SLCO5A1: variants seen among roughly 807,000 people sequenced by gnomAD.
SLCO5A1 encodes organic anion transporter polypeptide-related protein 4.
In SLCO5A1, 39 loss-of-function variants were observed where a neutral mutation model predicts 65.1. The observed-to-expected ratio is 0.60, with a 90% CI of 0.46 to 0.78. The LOEUF (loss-of-function observed/expected upper bound fraction) is 0.78, where lower values mean the gene tolerates loss of function less well. Among genes scored for constraint, SLCO5A1 ranks in the 30% least tolerant of loss-of-function variants. The pLI is 0.00. For missense variants in SLCO5A1, 1,029 were observed against 1,069.4 expected (o/e 0.96, Z 0.53); for synonymous variants, 438 against 415.7 (o/e 1.05, Z -0.65).
At chr8:69,834,128 A>ACACACACACACACACACC in intron 1 of SLCO5A1, 1 of 144,804 alleles carries the variant, frequency 6.9e-6, no homozygotes, top group Non-Finnish European at 1.5e-5. Flanking sequence ...ACACACACAC[A>ACACACACACACACACACC]CCGGCGTACT....
At chr8:69,776,286 T>C (rs938436098) in intron 2 of SLCO5A1, among the ~76,000 whole-genome samples, 1 of 152,226 alleles carries the variant, frequency 6.6e-6, no homozygotes, top group Non-Finnish European at 1.5e-5. Flanking sequence ...AATGTGGCTA[T>C]TAATTTTAAT....
At chr8:69,681,593 C>CA (rs754657537) in intron 7 of SLCO5A1, among the ~76,000 whole-genome samples, 1 of 151,630 alleles carries the variant, frequency 6.6e-6, no homozygotes, top group African/African-American at 2.4e-5. Flanking sequence ...AACTCCATCT[C>CA]AAAAAAAAGA....
intron 3 of SLCO5A1, among the ~76,000 whole-genome samples, chr8:69,756,199 G>A (rs1817535879): frequency 6.6e-6 from 1 of 152,198 alleles, no homozygotes; most frequent in South Asian, 2.1e-4. Flanking sequence ...TGAAACAGGA[G>A]TTTGAGACCA....
chr8:69,699,455 G>A (rs2130805366), intron 6 of SLCO5A1, among the ~76,000 whole-genome samples: 1 of 152,284 alleles, frequency 6.6e-6, no homozygotes, highest in East Asian at 1.9e-4. Flanking sequence ...GCACCTCAGA[G>A]GTAAGCCCTT....
intron 8 of SLCO5A1, among the ~76,000 whole-genome samples, chr8:69,676,886 ACTATCT>A (rs1813568921): frequency 6.6e-6 from 1 of 152,188 alleles, no homozygotes. Flanking sequence ...AGAAACTCTG[ACTATCT>A]CTAATTGTTT....
intron 2 of SLCO5A1, among the ~76,000 whole-genome samples, chr8:69,801,867 C>A (rs1245598004): frequency 6.6e-6 from 1 of 152,180 alleles, no homozygotes; most frequent in Non-Finnish European, 1.5e-5. Flanking sequence ...AGGCCAGGTC[C>A]CACATTCACA....
At chr8:69,802,431 C>G (rs560134577) in intron 2 of SLCO5A1, among the ~76,000 whole-genome samples, 1 of 151,538 alleles carries the variant, frequency 6.6e-6, no homozygotes, top group Non-Finnish European at 1.5e-5. Context: ...GCTTGAACCC[C>G]GGAAGTCAAG....
chr8:69,790,595 G>A (rs892814951), intron 2 of SLCO5A1, among the ~76,000 whole-genome samples: 1 of 152,006 alleles, frequency 6.6e-6, no homozygotes, highest in East Asian at 1.9e-4. Context: ...AGCTATGCTT[G>A]TGCCTGTGAA....
At chr8:69,747,602 C>T (rs889480322) in intron 4 of SLCO5A1, among the ~76,000 whole-genome samples, 5 of 152,124 alleles carry the variant, frequency 3.3e-5, no homozygotes, top group African/African-American at 9.7e-5. Flanking sequence ...TATGCAAATA[C>T]TGCACCATTT....
rs933179342 is a variant in SLCO5A1 at position 69,668,388 on chromosome 8, C to G, written c.*4481G>C. On this transcript the variant is annotated 3_prime_UTR_variant, in exon 10 of 10. Transcript: ENST00000260126. ...TCTGTATAACAGAGAACTAGCAAAC[C>G]TGCAGTTTAGGCAATTCTGGGATTA... 2 of 152,194 alleles carry G rather than the reference C, an allele frequency of 1.3e-5. No homozygotes were observed. The highest frequency in any genetic ancestry group is 2.9e-5 in the Non-Finnish European group (2 of 68,032). The allele number at this position is 152,194 out of a possible 1,614,324, so 9.4% of individuals were successfully genotyped here. A position where few individuals can be genotyped will look rare whatever the true frequency, so the allele number is the denominator to read the frequency against.
intron 2 of SLCO5A1, chr8:69,794,468 G>T: frequency 2.3e-6 from 1 of 429,902 alleles, no homozygotes; most frequent in South Asian, 2.0e-5. Flanking sequence ...GAAGAGTATT[G>T]AACCAATTCC....
intron 5 of SLCO5A1, among the ~76,000 whole-genome samples, chr8:69,727,135 C>T (rs1422364448): frequency 3.3e-5 from 5 of 152,102 alleles, no homozygotes; most frequent in South Asian, 2.1e-4. Flanking sequence ...GGGACCCCTC[C>T]GTGTTCTCAT....
At chr8:69,715,430 A>G (rs962809864) in intron 5 of SLCO5A1, among the ~76,000 whole-genome samples, 1 of 152,224 alleles carries the variant, frequency 6.6e-6, no homozygotes, top group Non-Finnish European at 1.5e-5. Flanking sequence ...TCTGGGCAAG[A>G]TCCATTTTCT....
intron 5 of SLCO5A1, among the ~76,000 whole-genome samples, chr8:69,725,787 C>T (rs2959552): frequency 1.3e-5 from 2 of 152,178 alleles, no homozygotes; most frequent in African/African-American, 4.8e-5. Context: ...ATAAGATGCA[C>T]TCAGTAGCAG....
chr8:69,700,058 G>A (rs1308245078), intron 6 of SLCO5A1, among the ~76,000 whole-genome samples: 3 of 152,118 alleles, frequency 2.0e-5, no homozygotes, highest in Non-Finnish European at 2.9e-5. Flanking sequence ...ATCGTGCCAC[G>A]GCACTCCAGC....
At chr8:69,771,333 G>C (rs182702108) in intron 2 of SLCO5A1, among the ~76,000 whole-genome samples, 2 of 151,830 alleles carry the variant, frequency 1.3e-5, no homozygotes, top group African/African-American at 4.8e-5. Flanking sequence ...CATTTCTTGG[G>C]GTGTTATATT....
chr8:69,711,048 C>G (rs1054289043), intron 5 of SLCO5A1, among the ~76,000 whole-genome samples: 12 of 152,126 alleles, frequency 7.9e-5, no homozygotes, highest in Admixed American at 7.2e-4. Flanking sequence ...CCAGGTACAG[C>G]AGCTCTAGTA....
rs913899114 is a variant in SLCO5A1, at chr8:69,739,969, A to G, written c.1259-1765T>C. The stretch of plus-strand genomic sequence containing the variant: ...GGGAGAAATATAAAATAAATTTTTA[A>G]CATAAGAAAGTAACATACTATCACA... On this transcript the variant is annotated intron_variant, in intron 4 of 9. Transcript: ENST00000260126. Among the ~76,000 whole-genome samples, 6 of 152,366 alleles carry G rather than the reference A, an allele frequency of 3.9e-5. No individual in the cohort carries two copies. The South Asian group carries it at 6.2e-4, about 16-fold the overall frequency.
At chr8:69,762,929 G>C (rs1488987958) in intron 2 of SLCO5A1, among the ~76,000 whole-genome samples, 1 of 152,174 alleles carries the variant, frequency 6.6e-6, no homozygotes, top group Non-Finnish European at 1.5e-5. Context: ...ATTTTTTAAA[G>C]CACATGCCCA....
Sources: allele counts gnomAD v4.1 joint callset (sites outside exome capture counted in the v4.1 genomes callset), GRCh38; gene constraint gnomAD v4.1.1; transcripts MANE v1.5; gene names NCBI Gene and HGNC (gene_info 2026-07-23, HGNC 2026-07-21).